Variants in SPAG9 observed in about 807,000 individuals in gnomAD.
SPAG9 encodes the protein C-Jun-amino-terminal kinase-interacting protein 4.
A neutral mutation model predicts 166.5 loss-of-function variants in SPAG9; 35 were observed. The observed-to-expected ratio is 0.21, with a 90% CI of 0.16 to 0.28. The LOEUF (loss-of-function observed/expected upper bound fraction) is 0.28. Ranked by LOEUF, SPAG9 falls within the 10% of genes least tolerant of loss-of-function variation. The pLI is 1.00. For synonymous variants in SPAG9, 534 were observed against 565.5 expected (o/e 0.94, Z 0.79); for missense variants, 1,235 against 1,603.3 (o/e 0.77, Z 3.92).
intron 1 of SPAG9, among the ~76,000 whole-genome samples, chr17:51,083,040 T>G (rs1330551377): frequency 1.3e-5 from 2 of 152,014 alleles, no homozygotes; most frequent in African/African-American, 4.8e-5. Context: ...TTTTCCAGCA[T>G]AGAGAAGAGC....
At chr17:50,986,570 A>T (rs914432333) in intron 22 of SPAG9, among the ~76,000 whole-genome samples, 4 of 152,254 alleles carry the variant, frequency 2.6e-5, no homozygotes, top group African/African-American at 4.8e-5. Flanking sequence ...GCTCAACAGT[A>T]ATCTTGCTTA....
chr17:51,077,181 T>C (rs148822380), intron 2 of SPAG9, among the ~76,000 whole-genome samples: 123 of 152,110 alleles, frequency 8.1e-4, no homozygotes, highest in Non-Finnish European at 1.4e-3. Context: ...CCAAGTGTAG[T>C]GGTGTGATCT....
rs145010552 is a variant in SPAG9, at chr17:51,056,980, G to C, written c.425-498C>G. On this transcript the variant is annotated intron_variant, in intron 2 of 29. Coordinates refer to ENST00000262013, the MANE Select transcript of SPAG9 (RefSeq NM_001130528.3). ...TTGTGAGTGGCACTGACTTGAGGTA[G>C]TGCTCACAGAGTACAACTTCAGGAT... Among the ~76,000 whole-genome samples, 17 of 152,050 alleles carry C rather than the reference G, an allele frequency of 1.1e-4. No homozygotes were observed. The East Asian group carries it at 2.9e-3, about 26-fold the overall frequency.
At chr17:51,016,147 T>C (rs556247647) in intron 8 of SPAG9, 1 of 152,250 alleles carries the variant, frequency 6.6e-6, no homozygotes, top group African/African-American at 2.4e-5. Context: ...TAGTTCTTTA[T>C]CTAGCCAAAC....
At position 50,990,275 on chromosome 17, in the gene SPAG9, G is replaced by A. The variant is rs535496553; in HGVS notation, c.2617+175C>T. 1.5e-4 allele frequency: 88 copies of A among 598,854 alleles called. No homozygotes were observed. The highest frequency in any genetic ancestry group is 1.4e-3 in the African/African-American group (74 of 54,038). 37.1% of individuals were successfully genotyped at this position (598,854 alleles called of 1,614,324 possible). A position where few individuals can be genotyped will look rare whatever the true frequency, so the allele number is the denominator to read the frequency against. ...GATCTCCTGACCTCGTGATCCACCC[G>A]CCTTGGCCTCCCAGAGTGCTGGGAT... On this transcript the variant is annotated intron_variant, in intron 20 of 29. Coordinates refer to ENST00000262013, the MANE Select transcript of SPAG9 (RefSeq NM_001130528.3).
chr17:51,083,648 T>A (rs2048231460), intron 1 of SPAG9, among the ~76,000 whole-genome samples: 1 of 151,782 alleles, frequency 6.6e-6, no homozygotes, highest in Non-Finnish European at 1.5e-5. Context: ...CTCAGACTCC[T>A]GGGCTCAAGC....
chr17:51,015,668 T>C (rs909056653), intron 8 of SPAG9, among the ~76,000 whole-genome samples: 3 of 141,424 alleles, frequency 2.1e-5, no homozygotes, highest in Admixed American at 7.1e-5. Context: ...ATTCGTAAAA[T>C]AGCAAGATGG....
At chr17:51,050,317 T>C (rs1367777151) in intron 3 of SPAG9, among the ~76,000 whole-genome samples, 1 of 152,228 alleles carries the variant, frequency 6.6e-6, no homozygotes, top group Non-Finnish European at 1.5e-5. Context: ...CTATTATTTA[T>C]TGAGCACCAA....
chr17:50,966,442 T>C, intron 29 of SPAG9, 55 bp from the exon 30 acceptor site: 1 of 1,101,128 alleles, frequency 9.1e-7, no homozygotes, highest in South Asian at 1.2e-5. Context: ...TATAGAATGA[T>C]GTGAGTCAGA....
At position 51,026,031 on chromosome 17, in the gene SPAG9, T is replaced by G. The variant is rs116085856; in HGVS notation, c.784-4666A>C. ...TATTGAGTTCATCTATATGAGAAAG[T>G]GATATGCCTTTGAAACTATGTCAAA... On this transcript the variant is annotated intron_variant, in intron 6 of 29. Coordinates refer to ENST00000262013, the MANE Select transcript of SPAG9 (RefSeq NM_001130528.3). 6.5e-3 allele frequency among the ~76,000 whole-genome samples: 997 copies of G among 152,286 alleles called. 8 individuals are homozygous for G. Among genetic ancestry groups the G allele is most frequent in the African/African-American group, 0.022 (931 of 41,546 alleles).
chr17:51,116,576 G>T (rs760875576), intron 1 of SPAG9, among the ~76,000 whole-genome samples: 2 of 152,074 alleles, frequency 1.3e-5, no homozygotes, highest in Admixed American at 1.3e-4. Context: ...AGACCAGACT[G>T]GGCAACACAG....
At chr17:51,066,287 T>G (rs2047662337) in intron 2 of SPAG9, among the ~76,000 whole-genome samples, 1 of 152,020 alleles carries the variant, frequency 6.6e-6, no homozygotes. Context: ...ATTTTTTGAT[T>G]TTTTGTAGAG....
Position 51,045,502 on chromosome 17 carries a change from G to C in SPAG9, c.590+1873C>G, listed in dbSNP as rs1318667503. Among the ~76,000 whole-genome samples, 4 of 152,030 alleles carry C rather than the reference G, an allele frequency of 2.6e-5. No individual in the cohort carries two copies. The East Asian group carries it at 7.7e-4, about 29-fold the overall frequency. On this transcript the variant is annotated intron_variant, in intron 4 of 29. Transcript: ENST00000262013. ...TGGGCTTTCAACTAATATTAAACTT[G>C]AACTGACCTATGAATAAAAAGAAAC...
chr17:51,007,110 GGTGTGTGT>G (rs3075108), intron 10 of SPAG9, among the ~76,000 whole-genome samples, 151 bp downstream of exon 10: 1 of 145,902 alleles, frequency 6.9e-6, no homozygotes, highest in Admixed American at 6.9e-5. Flanking sequence ...CCAACATTAG[GGTGTGTGT>G]GTGTGTGTGT....
chr17:51,078,072 G>T (rs1213571274), intron 2 of SPAG9, among the ~76,000 whole-genome samples: 1 of 152,100 alleles, frequency 6.6e-6, no homozygotes, highest in Non-Finnish European at 1.5e-5. Context: ...TGGGATTACA[G>T]CCATGAGCCA....
chr17:51,120,770 C>A lies in SPAG9; in HGVS notation c.-114G>T. ...ACGGGTACTAGGGCTGGAGCCCGGGCCGGGGCTGGGGCTGGGCCCGGCGGG... is the reference window on the plus strand; with the variant it reads ...ACGGGTACTAGGGCTGGAGCCCGGGACGGGGCTGGGGCTGGGCCCGGCGGG... On this transcript the variant is annotated 5_prime_UTR_variant, in exon 1 of 30. Coordinates refer to ENST00000262013, the MANE Select transcript of SPAG9 (RefSeq NM_001130528.3). This position sits in a 1 kb window ranked among gnomAD's most constrained non-coding sequence, Gnocchi z 4.7. 2.1e-6 allele frequency: 2 copies of A among 938,300 alleles called. No homozygotes were observed. The highest frequency in any genetic ancestry group is 3.0e-6 in the Non-Finnish European group (2 of 669,944). The allele number at this position is 938,300 out of a possible 1,614,324, so 58.1% of individuals were successfully genotyped here. A position where few individuals can be genotyped will look rare whatever the true frequency, so the allele number is the denominator to read the frequency against.
At chr17:51,074,503 T>TA (rs2047912791) in intron 2 of SPAG9, among the ~76,000 whole-genome samples, 1 of 152,230 alleles carries the variant, frequency 6.6e-6, no homozygotes, top group African/African-American at 2.4e-5. Flanking sequence ...CCACAGTTTG[T>TA]AAGTTCCTTA....
intron 1 of SPAG9, among the ~76,000 whole-genome samples, chr17:51,109,189 C>T (rs2144770500): frequency 6.6e-6 from 1 of 152,046 alleles, no homozygotes; most frequent in Admixed American, 6.6e-5. Flanking sequence ...ACAAAATTAG[C>T]CAATTTTAAT....
At chr17:51,037,267 C>A (rs1257211668) in intron 5 of SPAG9, among the ~76,000 whole-genome samples, 1 of 152,008 alleles carries the variant, frequency 6.6e-6, no homozygotes, top group African/African-American at 2.4e-5. Flanking sequence ...CCATGCCCAG[C>A]TGATTTTTAA....
Sources: gnomAD v4.1 joint callset for allele counts (sites outside exome capture counted in the v4.1 genomes callset) on GRCh38, gnomAD v4.1.1 for gene constraint, Gnocchi (gnomAD v3.1) non-coding constraint, MANE v1.5 for transcripts, NCBI Gene and HGNC (gene_info 2026-07-23, HGNC 2026-07-21) for gene names.